Variants in SH3RF3 observed in about 807,000 individuals in gnomAD.
SH3RF3 encodes SH3 domain containing ring finger 3.
SH3RF3 carries 29 observed loss-of-function variants against 66.3 expected under a neutral mutation model. The observed-to-expected ratio is 0.44, with a 90% confidence interval of 0.33 to 0.60. The LOEUF (loss-of-function observed/expected upper bound fraction) is 0.60. Among genes scored for constraint, SH3RF3 ranks in the 20% least tolerant of loss-of-function variants. The pLI is 0.04. For synonymous variants in SH3RF3, 583 were observed against 532.0 expected (o/e 1.10, Z -1.32); for missense variants, 1,194 against 1,190.9 (o/e 1.00, Z -0.04).
chr2:109,358,403 G>A (rs1006980836), intron 2 of SH3RF3, among the ~76,000 whole-genome samples: 13 of 152,182 alleles, frequency 8.5e-5, no homozygotes, highest in African/African-American at 3.1e-4. Flanking sequence ...CAGCTCCTTT[G>A]GATAAATACT....
chr2:109,349,886 A>G (rs1189303264), intron 2 of SH3RF3, among the ~76,000 whole-genome samples: 7 of 152,256 alleles, frequency 4.6e-5, no homozygotes, highest in African/African-American at 1.7e-4. Context: ...CCACTGGACA[A>G]GAGGACAAAG....
intron 7 of SH3RF3, among the ~76,000 whole-genome samples, chr2:109,444,383 C>T (rs1367334216): frequency 6.6e-6 from 1 of 152,200 alleles, no homozygotes; most frequent in African/African-American, 2.4e-5. Flanking sequence ...GAAGCACTGG[C>T]CTACTGGCTG....
At chr2:109,336,048 G>A (rs374440986) in intron 1 of SH3RF3, among the ~76,000 whole-genome samples, 41 of 152,336 alleles carry the variant, frequency 2.7e-4, no homozygotes, top group Admixed American at 1.0e-3. Context: ...AAGCTTTAGC[G>A]TAGAAGGCAT....
At chr2:109,466,561 A>G (rs957985366) in intron 8 of SH3RF3, among the ~76,000 whole-genome samples, 1 of 152,216 alleles carries the variant, frequency 6.6e-6, no homozygotes, top group Non-Finnish European at 1.5e-5. Flanking sequence ...TATCTGTTTC[A>G]GAGCACAAGT....
chr2:109,202,732 T>A (rs764667974), intron 1 of SH3RF3, among the ~76,000 whole-genome samples: 3 of 152,166 alleles, frequency 2.0e-5, no homozygotes, highest in Non-Finnish European at 2.9e-5. Context: ...GCCACGGCCT[T>A]CCCGTGGGGC....
At chr2:109,345,102 GTC>G (rs1280173114) in intron 1 of SH3RF3, among the ~76,000 whole-genome samples, 4 of 152,178 alleles carry the variant, frequency 2.6e-5, no homozygotes, top group African/African-American at 7.2e-5. Flanking sequence ...GTCTCGCAGT[GTC>G]TCTGTCCTGG....
At chr2:109,429,542 T>C (rs562085852) in intron 5 of SH3RF3, among the ~76,000 whole-genome samples, 139 of 152,238 alleles carry the variant, frequency 9.1e-4, no homozygotes, top group Non-Finnish European at 1.4e-3. Context: ...ACCGGGCCTG[T>C]GCTTGGAGTG....
chr2:109,499,861 G>A (rs904407839), intron 9 of SH3RF3, among the ~76,000 whole-genome samples: 1 of 152,196 alleles, frequency 6.6e-6, no homozygotes, highest in Non-Finnish European at 1.5e-5. Context: ...ACTGACATTT[G>A]CAATGGGGAA....
chr2:109,499,622 C>T (rs1227870673), intron 9 of SH3RF3, among the ~76,000 whole-genome samples: 1 of 152,138 alleles, frequency 6.6e-6, no homozygotes, highest in African/African-American at 2.4e-5. Flanking sequence ...GCATAAGGGC[C>T]GAGGGCACAA....
intron 1 of SH3RF3, among the ~76,000 whole-genome samples, chr2:109,306,219 G>T (rs1681593513): frequency 6.6e-6 from 1 of 152,242 alleles, no homozygotes; most frequent in African/African-American, 2.4e-5. Flanking sequence ...GATGCAGTCT[G>T]CCAGATGCAG....
chr2:109,480,060 G>A (rs1002482558), intron 8 of SH3RF3, among the ~76,000 whole-genome samples: 1 of 152,210 alleles, frequency 6.6e-6, no homozygotes, highest in Non-Finnish European at 1.5e-5. Context: ...ATTGTCTAGA[G>A]GAAAGGACCC....
At chr2:109,460,488 T>G (rs1292810118) in intron 8 of SH3RF3, among the ~76,000 whole-genome samples, 1 of 152,094 alleles carries the variant, frequency 6.6e-6, no homozygotes, top group Non-Finnish European at 1.5e-5. Flanking sequence ...ATGCATCACC[T>G]CCATCCACAG....
chr2:109,289,899 G>A (rs954603448), intron 1 of SH3RF3, among the ~76,000 whole-genome samples: 1 of 152,190 alleles, frequency 6.6e-6, no homozygotes, highest in Non-Finnish European at 1.5e-5. Context: ...GATTGCTGAG[G>A]TTCCTTCCAG....
At chr2:109,494,802 G>T (rs544743232) in intron 9 of SH3RF3, among the ~76,000 whole-genome samples, 61 of 152,254 alleles carry the variant, frequency 4.0e-4, no homozygotes, top group African/African-American at 1.4e-3. Flanking sequence ...GGCCTTTCCT[G>T]TGCCCAGACT....
chr2:109,446,714 G>C (rs1473475003), intron 7 of SH3RF3, among the ~76,000 whole-genome samples: 2 of 152,194 alleles, frequency 1.3e-5, no homozygotes, highest in East Asian at 3.9e-4. Flanking sequence ...AGGCCAGTGT[G>C]GCTGAGGGGA....
In SH3RF3 at chr2:109,255,800, C is replaced by T. The variant is rs146539506; in HGVS notation, c.574-91874C>T. On this transcript the variant is annotated intron_variant, in intron 1 of 9. Coordinates refer to ENST00000309415, the MANE Select transcript of SH3RF3 (RefSeq NM_001099289.3). The stretch of plus-strand genomic sequence containing the variant: ...TTTAATGAAGACAAGGAAATGAAAC[C>T]GCCCTGCCGACTGTTTGTGCTTTTA... Among the ~76,000 whole-genome samples the T allele has an allele frequency of 5.2e-3, 794 of 152,262 alleles. 7 individuals are homozygous for T. The highest frequency in any genetic ancestry group is 0.01 in the Middle Eastern group (3 of 294).
At chr2:109,433,277 T>C (rs1677298817) in intron 6 of SH3RF3, among the ~76,000 whole-genome samples, 1 of 152,282 alleles carries the variant, frequency 6.6e-6, no homozygotes, top group African/African-American at 2.4e-5. Flanking sequence ...AAAAATGATA[T>C]CTTCCCAAAG....
intron 1 of SH3RF3, among the ~76,000 whole-genome samples, chr2:109,268,905 T>C (rs1391563781): frequency 1.3e-5 from 2 of 152,222 alleles, no homozygotes; most frequent in Non-Finnish European, 2.9e-5. Flanking sequence ...GTTGGGTTTA[T>C]CAAAATGTAA....
intron 3 of SH3RF3, among the ~76,000 whole-genome samples, chr2:109,386,649 T>C (rs1295736709): frequency 6.6e-6 from 1 of 152,186 alleles, no homozygotes; most frequent in African/African-American, 2.4e-5. Context: ...CTCTTAGAGC[T>C]TATCCTAGGG....
Sources: allele counts gnomAD v4.1 joint callset (sites outside exome capture counted in the v4.1 genomes callset), GRCh38; gene constraint gnomAD v4.1.1; transcripts MANE v1.5; gene names NCBI Gene and HGNC (gene_info 2026-07-23, HGNC 2026-07-21).